SRGAP2C: variants seen among roughly 807,000 people sequenced by gnomAD.
SRGAP2C encodes the protein SLIT-ROBO Rho GTPase activating protein 2C.
A neutral mutation model predicts 25.1 loss-of-function variants in SRGAP2C; 15 were observed. That is an observed-to-expected ratio of 0.60 (90% CI 0.40 to 0.92). The LOEUF is 0.92. Among genes scored for constraint, SRGAP2C ranks in the 40% least tolerant of loss-of-function variants. The pLI is 0.00. For missense variants in SRGAP2C, 144 were observed against 264.4 expected (o/e 0.54, Z 3.16); for synonymous variants, 44 against 96.6 (o/e 0.46, Z 3.19).
At chr1:121,287,904 G>A (rs1287629493) in intron 3 of SRGAP2C, among the ~76,000 whole-genome samples, 5 of 151,934 alleles carry the variant, frequency 3.3e-5, no homozygotes, top group African/African-American at 4.8e-5. Flanking sequence ...TTGTGGTCTC[G>A]CTGGGCTCAG....
intron 6 of SRGAP2C, among the ~76,000 whole-genome samples, 178 bp from the exon 7 acceptor site, chr1:121,374,648 A>G (rs1227512876): frequency 2.0e-5 from 3 of 152,106 alleles, no homozygotes; most frequent in Non-Finnish European, 2.9e-5. Context: ...CCTTTCCTGA[A>G]TTGATCTACA....
At chr1:121,263,111 T>C (rs1656667205) in intron 2 of SRGAP2C, among the ~76,000 whole-genome samples, 2 of 151,728 alleles carry the variant, frequency 1.3e-5, no homozygotes, top group Admixed American at 6.6e-5. Context: ...CTCAGCACTT[T>C]GGGAGGCTGA....
chr1:121,367,267 GAGT>G (rs1659351633), intron 5 of SRGAP2C, among the ~76,000 whole-genome samples: 1 of 151,350 alleles, frequency 6.6e-6, no homozygotes, highest in Non-Finnish European at 1.5e-5. Context: ...AGGGAAAAAA[GAGT>G]AGAGGCACTA....
chr1:121,313,268 C>T, intron 3 of SRGAP2C, among the ~76,000 whole-genome samples: 1 of 7,298 alleles, frequency 1.4e-4, no homozygotes, highest in South Asian at 3.2e-3. Context: ...TTTTGTTTTC[C>T]ATTGGCTTGG....
At chr1:121,338,366 G>C (rs1429867653) in intron 4 of SRGAP2C, among the ~76,000 whole-genome samples, 3 of 96,840 alleles carry the variant, frequency 3.1e-5, no homozygotes, top group Admixed American at 1.1e-4. Context: ...CTCCCTGCTT[G>C]TCTGAGCATG....
chr1:121,348,398 G>T (rs1276284927), intron 4 of SRGAP2C, among the ~76,000 whole-genome samples: 2 of 147,046 alleles, frequency 1.4e-5, no homozygotes, highest in Non-Finnish European at 3.0e-5. Flanking sequence ...CCTTTGAACT[G>T]CCAACAATCC....
At chr1:121,352,700 A>T (rs2101635334) in intron 4 of SRGAP2C, among the ~76,000 whole-genome samples, 1 of 150,594 alleles carries the variant, frequency 6.6e-6, no homozygotes, top group Non-Finnish European at 1.5e-5. Context: ...GCACTAAAAG[A>T]AATACTAAAT....
At chr1:121,259,441 C>G (rs1387797250) in intron 2 of SRGAP2C, among the ~76,000 whole-genome samples, 2 of 127,460 alleles carry the variant, frequency 1.6e-5, no homozygotes, top group Non-Finnish European at 1.7e-5. Context: ...GATCATGCCA[C>G]TGCACTCCAG....
rs1216736696 is a variant in SRGAP2C at position 121,282,848 on chromosome 1, G to A, written c.68-1955G>A. On this transcript the variant is annotated intron_variant, in intron 2 of 9. Coordinates refer to ENST00000367123, the MANE Select transcript of SRGAP2C (RefSeq NM_001329984.2). ...GCTGGGATTACAGGCGTGAGCCACC[G>A]CACCTGGCACTTGGTTCTTACTGAA... Among the ~76,000 whole-genome samples, 247 of 150,908 alleles carry A rather than the reference G, an allele frequency of 1.6e-3. 2 individuals are homozygous for A. Among genetic ancestry groups the A allele is most frequent in the Non-Finnish European group, 2.6e-3 (175 of 67,580 alleles).
At chr1:121,328,880 C>T (rs1314579442) in intron 4 of SRGAP2C, among the ~76,000 whole-genome samples, 48 of 125,592 alleles carry the variant, frequency 3.8e-4, no homozygotes, top group African/African-American at 1.4e-3. Flanking sequence ...GAGCCAGACC[C>T]TGTCTGTTTA....
intron 2 of SRGAP2C, among the ~76,000 whole-genome samples, chr1:121,213,064 T>A (rs1202994060): frequency 4.0e-5 from 6 of 151,052 alleles, no homozygotes; most frequent in South Asian, 4.2e-4. Flanking sequence ...TTTTTTTTTT[T>A]AGACAGTGTC....
At chr1:121,294,733 T>C (rs1287007330) in intron 3 of SRGAP2C, among the ~76,000 whole-genome samples, 2 of 141,498 alleles carry the variant, frequency 1.4e-5, no homozygotes, top group Non-Finnish European at 3.1e-5. Context: ...CTTCTACATT[T>C]CTGTCCTGCT....
intron 5 of SRGAP2C, among the ~76,000 whole-genome samples, chr1:121,370,739 C>T (rs868933733): frequency 0.044 from 6,684 of 151,426 alleles, 500 homozygotes; most frequent in African/African-American, 0.15. Context: ...CCACCATGCC[C>T]GGCCTGTTCT....
chr1:121,235,997 A>G (rs1454064395), intron 2 of SRGAP2C, among the ~76,000 whole-genome samples: 2 of 132,402 alleles, frequency 1.5e-5, no homozygotes, highest in Non-Finnish European at 3.2e-5. Flanking sequence ...GTTAATAAGT[A>G]TCTCTTCAAG....
At position 121,259,521 on chromosome 1, in the gene SRGAP2C, C is replaced by A. The variant is rs1471744365; in HGVS notation, c.68-25282C>A. 5.7e-5 allele frequency among the ~76,000 whole-genome samples: 8 copies of A among 140,048 alleles called. No individual in the cohort carries two copies. In the South Asian group the frequency reaches 1.8e-3, roughly 31 times the overall value. The allele number at this position is 140,048 out of a possible 152,430, so 91.9% of individuals were successfully genotyped here. On this transcript the variant is annotated intron_variant, in intron 2 of 9. Coordinates refer to ENST00000367123, the MANE Select transcript of SRGAP2C (RefSeq NM_001329984.2). ...AAATAGAGTAGAAGACCCTTTTTTT[C>A]TTTTAGCCACTACCAAGTAGGTGAA...
intron 3 of SRGAP2C, among the ~76,000 whole-genome samples, chr1:121,291,215 C>A (rs1480873332): frequency 8.1e-6 from 1 of 123,854 alleles, no homozygotes; most frequent in African/African-American, 3.1e-5. Flanking sequence ...AAGCATAGAA[C>A]CATAATGGTC....
intron 2 of SRGAP2C, among the ~76,000 whole-genome samples, chr1:121,255,465 T>C (rs1233995664): frequency 1.3e-5 from 2 of 151,802 alleles, no homozygotes; most frequent in African/African-American, 4.8e-5. Context: ...TTCCGTTGAT[T>C]CTGATGTCCT....
intron 7 of SRGAP2C, among the ~76,000 whole-genome samples, chr1:121,376,769 CAG>C (rs1488339200): frequency 1.2e-4 from 12 of 96,006 alleles, no homozygotes; most frequent in African/African-American, 3.8e-4. Context: ...TTCTCCTCCT[CAG>C]GGGAAGAGCT....
At chr1:121,207,555 G>A (rs1283014915) in intron 2 of SRGAP2C, among the ~76,000 whole-genome samples, 1 of 152,214 alleles carries the variant, frequency 6.6e-6, no homozygotes, top group Non-Finnish European at 1.5e-5. Context: ...GTTTCAGGGT[G>A]TGGAGGCAGA....
Sources: allele counts gnomAD v4.1 joint callset (sites outside exome capture counted in the v4.1 genomes callset), GRCh38; gene constraint gnomAD v4.1.1; transcripts MANE v1.5; gene names NCBI Gene and HGNC (gene_info 2026-07-23, HGNC 2026-07-21).